Variants in TRAPPC6B observed in about 807,000 individuals in gnomAD.
TRAPPC6B encodes TRAPP complex subunit 6B.
Under a neutral mutation model 24.7 loss-of-function variants are expected in TRAPPC6B, and 27 were observed. The ratio of observed to expected loss-of-function variants is 1.09; its 90% CI spans 0.81 to 1.51. The LOEUF is 1.51. Ranked by LOEUF, TRAPPC6B falls within the 40% of genes most tolerant of loss-of-function variation. TRAPPC6B has a pLI of 0.00. For missense variants in TRAPPC6B, 212 were observed against 190.8 expected, an observed-to-expected ratio of 1.11 and a Z score of -0.66; for synonymous variants, 80 against 66.6, an observed-to-expected ratio of 1.20 and a Z score of -0.98.
chr14:39,158,558 C>T (rs1035741013), intron 2 of TRAPPC6B, 156 bp from the exon 3 acceptor site: 1 of 557,424 alleles, frequency 1.8e-6, no homozygotes, highest in Non-Finnish European at 3.1e-6. Context: ...GGCTCTGTCG[C>T]CCAGGTTAGA....
chr14:39,165,115 G>A (rs553582034), intron 1 of TRAPPC6B, among the ~76,000 whole-genome samples: 35 of 149,856 alleles, frequency 2.3e-4, no homozygotes, highest in Non-Finnish European at 4.4e-4. Flanking sequence ...GCGTGATCTC[G>A]GCTCACTGCA....
At chr14:39,161,896 C>T (rs191783967) in intron 1 of TRAPPC6B, among the ~76,000 whole-genome samples, 5 of 152,306 alleles carry the variant, frequency 3.3e-5, no homozygotes, top group African/African-American at 1.2e-4. Context: ...TCTAGAAGTG[C>T]CACAGTCCCA....
intron 1 of TRAPPC6B, among the ~76,000 whole-genome samples, chr14:39,166,662 A>G (rs1054733658): frequency 1.4e-4 from 22 of 152,240 alleles, no homozygotes; most frequent in African/African-American, 5.1e-4. Flanking sequence ...TAGTTAAATG[A>G]TAATCAGACA....
intron 1 of TRAPPC6B, among the ~76,000 whole-genome samples, chr14:39,167,708 T>C (rs532124605): frequency 4.0e-5 from 6 of 150,364 alleles, no homozygotes. Context: ...ACTTTCAATT[T>C]TCCCCCCCAT....
intron 1 of TRAPPC6B, among the ~76,000 whole-genome samples, chr14:39,167,805 C>T (rs112772518): frequency 6.6e-6 from 1 of 151,648 alleles, no homozygotes; most frequent in East Asian, 1.9e-4. Flanking sequence ...TATGTTAGTC[C>T]ATCTCTTAAA....
At chr14:39,152,421 G>C (rs2052926137) in intron 4 of TRAPPC6B, among the ~76,000 whole-genome samples, 1 of 152,140 alleles carries the variant, frequency 6.6e-6, no homozygotes, top group African/African-American at 2.4e-5. Context: ...TAGAAACAAA[G>C]AAAGGGAATA....
chr14:39,159,317 G>C, intron 2 of TRAPPC6B, 166 bp downstream of exon 2: 1 of 374,202 alleles, frequency 2.7e-6, no homozygotes, highest in Non-Finnish European at 4.8e-6. Flanking sequence ...TTGAATAAAT[G>C]AGTTAAATGG....
chr14:39,170,277 G>T lies in TRAPPC6B; in HGVS notation c.-182C>A, dbSNP rs117155883. On this transcript the variant is annotated 5_prime_UTR_variant, in exon 1 of 6. Coordinates refer to ENST00000330149, the MANE Select transcript of TRAPPC6B (RefSeq NM_001079537.2). ...AAAGGCTGGTACTGAAATGAGTCTG[G>T]TACTGGAGAGAGCCCACACTTCGGG... 1.3e-3 allele frequency: 766 copies of T among 599,336 alleles called. 7 individuals carry two copies. In the East Asian group the frequency reaches 0.02, roughly 16 times the overall value. The allele number at this position is 599,336 out of a possible 1,614,324, so 37.1% of individuals were successfully genotyped here.
intron 3 of TRAPPC6B, chr14:39,157,106 CA>C (rs58837625): frequency 0.37 from 52,120 of 141,962 alleles, 9,137 homozygotes; most frequent in East Asian, 0.56. Flanking sequence ...GACTCCATCT[CA>C]AAAAAAAAAA....
intron 4 of TRAPPC6B, among the ~76,000 whole-genome samples, chr14:39,152,328 T>A (rs930027143): frequency 6.6e-6 from 1 of 152,180 alleles, no homozygotes; most frequent in African/African-American, 2.4e-5. Context: ...AATCTTGACT[T>A]GTTCAAGACT....
At chr14:39,153,630 T>TAA (rs1297497878) in intron 4 of TRAPPC6B, among the ~76,000 whole-genome samples, 3 of 135,416 alleles carry the variant, frequency 2.2e-5, no homozygotes, top group South Asian at 2.4e-4. Flanking sequence ...GACCTTGTCT[T>TAA]AAAAAAAAAA....
At chr14:39,157,534 C>T (rs1029814636) in intron 3 of TRAPPC6B, 1 of 412,236 alleles carries the variant, frequency 2.4e-6, no homozygotes, top group South Asian at 1.8e-5. Flanking sequence ...GGTGACTGCA[C>T]ACTATGTGGA....
At position 39,152,968 on chromosome 14, in the gene TRAPPC6B, G is replaced by A. The variant is rs146509590; in HGVS notation, c.352-1129C>T. 1.7e-3 allele frequency among the ~76,000 whole-genome samples: 253 copies of A among 152,248 alleles called. 1 individual carries two copies. The highest frequency in any genetic ancestry group is 5.7e-3 in the African/African-American group (238 of 41,532). On this transcript the variant is annotated intron_variant, in intron 4 of 5. Transcript: ENST00000330149. ...CATTTTGGGTGGCTTTTGTAATCAC[G>A]TCTGTAATCCCAGCACTTTGGGAGG...
rs2052882160 is a variant in TRAPPC6B, at chr14:39,148,635, C to G, written c.*1715G>C. ...TTTTGATCTACTTCTGTGTCATTAGCTATTCCTGGGTCATTATGACTTTTA... is the reference window on the plus strand; with the variant it reads ...TTTTGATCTACTTCTGTGTCATTAGGTATTCCTGGGTCATTATGACTTTTA... On this transcript the variant is annotated 3_prime_UTR_variant, in exon 6 of 6. Coordinates refer to ENST00000330149, the MANE Select transcript of TRAPPC6B (RefSeq NM_001079537.2). 2.5e-6 allele frequency: 1 copy of G among 398,288 alleles called. No individual in the cohort carries two copies. The highest frequency in any genetic ancestry group is 2.1e-5 in the African/African-American group (1 of 48,606). The allele number at this position is 398,288 out of a possible 1,614,324, so 24.7% of individuals were successfully genotyped here.
chr14:39,170,168 C>T lies in TRAPPC6B; in HGVS notation c.-73G>A. ...GGTCTGGGGGTTCCAGCTCGCGCCTCAGCGACTTCGCCGGCGCCGCGGCTC... is the reference window on the plus strand; with the variant it reads ...GGTCTGGGGGTTCCAGCTCGCGCCTTAGCGACTTCGCCGGCGCCGCGGCTC... On this transcript the variant is annotated 5_prime_UTR_variant, in exon 1 of 6. Coordinates refer to ENST00000330149, the MANE Select transcript of TRAPPC6B (RefSeq NM_001079537.2). 1 of 1,508,342 alleles carries T rather than the reference C, an allele frequency of 6.6e-7. No homozygotes were observed. The highest frequency in any genetic ancestry group is 9.1e-7 in the Non-Finnish European group (1 of 1,095,828). The allele number at this position is 1,508,342 out of a possible 1,614,324, so 93.4% of individuals were successfully genotyped here. A position where few individuals can be genotyped will look rare whatever the true frequency, so the allele number is the denominator to read the frequency against.
Position 39,148,358 on chromosome 14 carries a change from G to A in TRAPPC6B, c.*1992C>T, listed in dbSNP as rs2052877564. The stretch of plus-strand genomic sequence containing the variant: ...TCAAGTAAGCCAATTACCATGATTG[G>A]CACAGAATCTAATCAACACTCACCC... On this transcript the variant is annotated 3_prime_UTR_variant, in exon 6 of 6. Coordinates refer to ENST00000330149, the MANE Select transcript of TRAPPC6B (RefSeq NM_001079537.2). 3.6e-6 allele frequency: 1 copy of A among 280,462 alleles called. No homozygotes were observed. The highest frequency in any genetic ancestry group is 6.6e-6 in the Non-Finnish European group (1 of 152,016). The allele number at this position is 280,462 out of a possible 1,614,324, so 17.4% of individuals were successfully genotyped here. A position where few individuals can be genotyped will look rare whatever the true frequency, so the allele number is the denominator to read the frequency against.
intron 3 of TRAPPC6B, 102 bp from the exon 4 acceptor site, chr14:39,154,396 A>G (rs770411764): frequency 3.9e-6 from 3 of 759,746 alleles, no homozygotes; most frequent in East Asian, 5.5e-5. Flanking sequence ...AAAGTTATTA[A>G]AAGTCTCCTT....
rs562100299 is a variant in TRAPPC6B at position 39,148,100 on chromosome 14, A to G, written c.*2250T>C. 2.0e-4 allele frequency: 31 copies of G among 152,384 alleles called. No homozygotes were observed. Among genetic ancestry groups the G allele is most frequent in the African/African-American group, 6.3e-4 (26 of 41,584 alleles). The allele number at this position is 152,384 out of a possible 1,614,324, so 9.4% of individuals were successfully genotyped here. ...AGCACAATTCAGGTGCTTTCTATCT[A>G]CATCCCACTATTCTCAGTGTGATAG... On this transcript the variant is annotated 3_prime_UTR_variant, in exon 6 of 6. Transcript: ENST00000330149.
At chr14:39,151,724 A>T (rs1219412890) in intron 5 of TRAPPC6B, 22 bp downstream of exon 5, 1 of 1,517,206 alleles carries the variant, frequency 6.6e-7, no homozygotes, top group Non-Finnish European at 8.9e-7. Context: ...AAACATTTGT[A>T]AGAAAGGCGA....
Sources: gnomAD v4.1 joint callset for allele counts (sites outside exome capture counted in the v4.1 genomes callset) on GRCh38, gnomAD v4.1.1 for gene constraint, MANE v1.5 for transcripts, NCBI Gene and HGNC (gene_info 2026-07-23, HGNC 2026-07-21) for gene names.